The following IL12RB2 variants were observed in gnomAD, a reference collection of about 807,000 sequenced individuals.
IL12RB2 encodes the protein interleukin-12 receptor subunit beta-2.
A neutral mutation model predicts 89.4 loss-of-function variants in IL12RB2; 82 were observed. The ratio of observed to expected loss-of-function variants is 0.92; its 90% CI spans 0.77 to 1.10. The LOEUF is 1.10. Among genes scored for constraint, IL12RB2 ranks in the 50% least tolerant of loss-of-function variants. The pLI is 0.00. For synonymous variants in IL12RB2, 368 were observed against 370.1 expected (o/e 0.99, Z 0.07); for missense variants, 963 against 1,031.9 (o/e 0.93, Z 0.92).
intron 9 of IL12RB2, among the ~76,000 whole-genome samples, chr1:67,342,123 C>T (rs1659696207): frequency 6.6e-6 from 1 of 152,150 alleles, no homozygotes; most frequent in African/African-American, 2.4e-5. Flanking sequence ...AACTCTGCAG[C>T]CAGATCGCTT....
intron 14 of IL12RB2, among the ~76,000 whole-genome samples, chr1:67,382,714 T>TTTC (rs1290695090): frequency 2.6e-5 from 4 of 151,294 alleles, no homozygotes; most frequent in Non-Finnish European, 5.9e-5. Flanking sequence ...CTACATTTTT[T>TTTC]TTTTTTTTTG....
intron 10 of IL12RB2, among the ~76,000 whole-genome samples, chr1:67,351,303 T>C (rs1432544912): frequency 1.3e-5 from 2 of 152,140 alleles, no homozygotes; most frequent in Non-Finnish European, 1.5e-5. Context: ...TGTCCTCCTC[T>C]CTAAAATAGG....
intron 10 of IL12RB2, among the ~76,000 whole-genome samples, chr1:67,354,186 A>T (rs960418375): frequency 2.0e-5 from 3 of 152,116 alleles, no homozygotes; most frequent in Admixed American, 2.0e-4. Context: ...GAGCTTGGAG[A>T]GGAGGCCAGG....
chr1:67,374,000 A>G (rs2101025074), intron 13 of IL12RB2, among the ~76,000 whole-genome samples: 1 of 152,334 alleles, frequency 6.6e-6, no homozygotes, highest in East Asian at 1.9e-4. Flanking sequence ...AGAAAGATAT[A>G]GAAAGAAAAT....
At chr1:67,327,195 G>A (rs1180076317) in intron 5 of IL12RB2, among the ~76,000 whole-genome samples, 1 of 151,898 alleles carries the variant, frequency 6.6e-6, no homozygotes, top group African/African-American at 2.4e-5. Context: ...TCTTGACCTC[G>A]TGATCCACCC....
chr1:67,352,792 A>G (rs1660988485), intron 10 of IL12RB2, among the ~76,000 whole-genome samples: 1 of 152,264 alleles, frequency 6.6e-6, no homozygotes, highest in Non-Finnish European at 1.5e-5. Context: ...TTAATGAGAT[A>G]CAAATTTTGA....
intron 14 of IL12RB2, 31 bp from the exon 15 acceptor site, chr1:67,386,544 AACTC>A (rs747686831): frequency 1.6e-5 from 22 of 1,396,680 alleles, no homozygotes; most frequent in Admixed American, 1.5e-4. Context: ...CATTGGTGAT[AACTC>A]ACTCAGTCAC....
At chr1:67,376,291 A>G (rs1663979909) in intron 13 of IL12RB2, among the ~76,000 whole-genome samples, 1 of 152,224 alleles carries the variant, frequency 6.6e-6, no homozygotes, top group Non-Finnish European at 1.5e-5. Context: ...AGCCAGACAC[A>G]TGGTAGGTGC....
At chr1:67,313,529 GA>G (rs534706816) in intron 1 of IL12RB2, among the ~76,000 whole-genome samples, 14 of 152,210 alleles carry the variant, frequency 9.2e-5, no homozygotes, top group African/African-American at 3.4e-4. Context: ...TGTTGGATTA[GA>G]AATCAGGAGA....
At chr1:67,368,059 A>G (rs924200794) in intron 11 of IL12RB2, 34 bp downstream of exon 11, 2 of 1,345,286 alleles carry the variant, frequency 1.5e-6, no homozygotes, top group African/African-American at 2.9e-5. Flanking sequence ...CTAGAGGGTT[A>G]CTAAGTTCAC....
chr1:67,373,999 T>A (rs1035385455), intron 13 of IL12RB2, among the ~76,000 whole-genome samples: 2 of 152,198 alleles, frequency 1.3e-5, no homozygotes, highest in Non-Finnish European at 2.9e-5. Context: ...CAGAAAGATA[T>A]AGAAAGAAAA....
Position 67,321,779 on chromosome 1 carries a change from T to A in IL12RB2, c.254T>A (p.Leu85His). The A allele has an allele frequency of 6.2e-7, 1 of 1,611,412 alleles. No individual in the cohort carries two copies. The highest frequency in any genetic ancestry group is 8.5e-7 in the Non-Finnish European group (1 of 1,177,528). Reference sequence around the variant, plus strand: ...ATCAATTTTCACCATGGCCACTCCCTCAATTCTCAAGTCACAGGTCTTCCC... The same window carrying A: ...ATCAATTTTCACCATGGCCACTCCCACAATTCTCAAGTCACAGGTCTTCCC... ...RRINFHHGHS[L>H]NSQVTGLPLG... The change falls in exon 4 of 17, where the codon CTC becomes CAC. Residue 85 changes from leucine (L) to histidine (H), a missense_variant. Physicochemically the swap from Leu to His is moderately conservative, Grantham distance 99. Coordinates refer to ENST00000674203, the MANE Select transcript of IL12RB2 (RefSeq NM_001374259.2).
At chr1:67,393,945 C>A (rs1666094811) in intron 16 of IL12RB2, among the ~76,000 whole-genome samples, 1 of 152,150 alleles carries the variant, frequency 6.6e-6, no homozygotes, top group East Asian at 1.9e-4. Flanking sequence ...AAAAAAGTGA[C>A]AGCACAAAGT....
chr1:67,312,748 G>A (rs576932839), intron 1 of IL12RB2, among the ~76,000 whole-genome samples: 1 of 150,140 alleles, frequency 6.7e-6, no homozygotes, highest in South Asian at 2.1e-4. Flanking sequence ...ACAAAAATTC[G>A]GAAGTCTCCT....
rs1359399211 is a variant in IL12RB2 at position 67,338,650 on chromosome 1, T to C, written c.985T>C (p.Tyr329His). 1 of 1,544,934 alleles carries C rather than the reference T, an allele frequency of 6.5e-7. No homozygotes were observed. Among genetic ancestry groups the C allele is most frequent in the Non-Finnish European group, 9.0e-7 (1 of 1,116,686 alleles). Reference protein sequence around the residue: ...EEPTGMLDVWYMKRHIDYSRQ... With the variant: ...EEPTGMLDVWHMKRHIDYSRQ... The stretch of plus-strand genomic sequence containing the variant: ...GCCTACTGGGATGTTAGATGTCTGG[T>C]ACATGAAACGGCACATTGACTACAG... The change falls in exon 9 of 17, where the codon TAC (tyrosine) becomes CAC (histidine). Residue 329 changes from tyrosine to histidine, a missense_variant. Physicochemically the swap from Tyr to His is moderately conservative, Grantham distance 83 (BLOSUM62 2). Transcript: ENST00000674203.
intron 4 of IL12RB2, among the ~76,000 whole-genome samples, chr1:67,325,519 C>A (rs1657167026): frequency 6.6e-6 from 1 of 152,242 alleles, no homozygotes; most frequent in Non-Finnish European, 1.5e-5. Flanking sequence ...ACCTCAGCCT[C>A]CCAAATTGTT....
intron 1 of IL12RB2, among the ~76,000 whole-genome samples, chr1:67,308,433 C>A (rs2100470234): frequency 6.6e-6 from 1 of 152,226 alleles, no homozygotes; most frequent in South Asian, 2.1e-4. Flanking sequence ...GGGGGCCTTC[C>A]GTAGTCCCGG....
intron 4 of IL12RB2, 103 bp downstream of exon 4, chr1:67,321,992 T>G (rs1294764659): frequency 2.0e-6 from 2 of 988,122 alleles, no homozygotes; most frequent in Non-Finnish European, 3.2e-6. Flanking sequence ...GTTAATGTTC[T>G]TTCTTTTCCC....
chr1:67,380,619 C>T (rs989396550), intron 14 of IL12RB2, among the ~76,000 whole-genome samples: 19 of 152,206 alleles, frequency 1.2e-4, no homozygotes, highest in African/African-American at 2.2e-4. Flanking sequence ...GCTGCTGTAA[C>T]GAAGCACCAC....
Sources: allele counts gnomAD v4.1 joint callset (sites outside exome capture counted in the v4.1 genomes callset), GRCh38; gene constraint gnomAD v4.1.1; transcripts MANE v1.5; gene names NCBI Gene and HGNC (gene_info 2026-07-23, HGNC 2026-07-21).